The following ENTREP2 variants were observed in gnomAD, a reference collection of about 807,000 sequenced individuals.
The protein encoded by ENTREP2 is protein ENTREP2.
the ENTREP2 span, among the ~76,000 whole-genome samples, chr15:29,653,737 C>A: frequency 6.6e-6 from 1 of 152,174 alleles, no homozygotes; most frequent in African/African-American, 2.4e-5. Flanking sequence ...CAGCCTTGGG[C>A]AGTTCTTTAC....
At chr15:29,596,152 G>A in the ENTREP2 span, among the ~76,000 whole-genome samples, 1 of 152,182 alleles carries the variant, frequency 6.6e-6, no homozygotes, top group Non-Finnish European at 1.5e-5. Context: ...TTGTGCAAAA[G>A]TAATTGCGGT....
the ENTREP2 span, among the ~76,000 whole-genome samples, chr15:29,384,028 G>A: frequency 1.3e-5 from 2 of 152,048 alleles, no homozygotes; most frequent in African/African-American, 2.4e-5. Context: ...GTCTCTCAGG[G>A]GCTGTGTCTC....
chr15:29,428,276 C>A, the ENTREP2 span, among the ~76,000 whole-genome samples: 1 of 152,130 alleles, frequency 6.6e-6, no homozygotes, highest in Admixed American at 6.5e-5. Flanking sequence ...TGAAGTGGTT[C>A]GATCTTGGCT....
At chr15:29,543,106 A>G in the ENTREP2 span, among the ~76,000 whole-genome samples, 1 of 151,980 alleles carries the variant, frequency 6.6e-6, no homozygotes, top group Non-Finnish European at 1.5e-5. Context: ...GCTTTTAATG[A>G]GACTCTCTAC....
chr15:29,524,574 C>G, the ENTREP2 span, among the ~76,000 whole-genome samples: 3 of 152,172 alleles, frequency 2.0e-5, no homozygotes, highest in Non-Finnish European at 4.4e-5. Context: ...GGAAGAGAAC[C>G]ATGGAACCCA....
chr15:29,639,621 C>T, the ENTREP2 span, among the ~76,000 whole-genome samples: 1 of 151,872 alleles, frequency 6.6e-6, no homozygotes. Flanking sequence ...CTTAACCTTC[C>T]ACAGTAAGAC....
the ENTREP2 span, among the ~76,000 whole-genome samples, chr15:29,576,459 A>G: frequency 6.6e-6 from 1 of 152,270 alleles, no homozygotes; most frequent in Non-Finnish European, 1.5e-5. Flanking sequence ...AATGAAAGAA[A>G]AAATAAACAA....
chr15:29,657,511 C>T, the ENTREP2 span, among the ~76,000 whole-genome samples: 7 of 134,160 alleles, frequency 5.2e-5, no homozygotes, highest in East Asian at 1.2e-3. Context: ...AGCTTTTATT[C>T]CCTTATTGTC....
the ENTREP2 span, among the ~76,000 whole-genome samples, chr15:29,314,475 TTGC>T: frequency 6.6e-6 from 1 of 152,226 alleles, no homozygotes; most frequent in African/African-American, 2.4e-5. Context: ...AGATGACAAC[TTGC>T]TGAAGGCTCA....
the ENTREP2 span, among the ~76,000 whole-genome samples, chr15:29,656,425 C>T: frequency 6.6e-6 from 1 of 152,126 alleles, no homozygotes; most frequent in Non-Finnish European, 1.5e-5. Flanking sequence ...CGAAGTTTCA[C>T]TAGGTTGCCC....
chr15:29,411,904 T>C, the ENTREP2 span, among the ~76,000 whole-genome samples: 7 of 152,220 alleles, frequency 4.6e-5, no homozygotes, highest in African/African-American at 1.2e-4. Flanking sequence ...TCGTTTCATA[T>C]ATGCTTCAGG....
At chr15:29,269,186 G>C in the ENTREP2 span, 2 of 1,614,160 alleles carry the variant, frequency 1.2e-6, no homozygotes, top group African/African-American at 1.3e-5. Flanking sequence ...CCCGTAGTGG[G>C]CGTGCCTTGG....
At chr15:29,153,145 CT>C in the ENTREP2 span, among the ~76,000 whole-genome samples, 45,874 of 147,506 alleles carry the variant, frequency 0.31, 7,238 homozygotes, top group Non-Finnish European at 0.35. Flanking sequence ...GTAATGTTTA[CT>C]TTTTTTTTTT....
At chr15:29,427,342 A>G in the ENTREP2 span, among the ~76,000 whole-genome samples, 2 of 152,176 alleles carry the variant, frequency 1.3e-5, no homozygotes, top group East Asian at 1.9e-4. Context: ...CCGGAGTCCA[A>G]CTTGGGGTAC....
chr15:29,538,280 A>G, the ENTREP2 span, among the ~76,000 whole-genome samples: 8 of 151,798 alleles, frequency 5.3e-5, no homozygotes, highest in Admixed American at 1.3e-4. Context: ...CTGGGCAGCT[A>G]CAGGCCTGGA....
chr15:29,532,965 A>G, the ENTREP2 span, among the ~76,000 whole-genome samples: 3 of 152,216 alleles, frequency 2.0e-5, no homozygotes, highest in Non-Finnish European at 4.4e-5. Context: ...TACCACCCAA[A>G]GACAGCAGAC....
chr15:29,505,038 CTGTT>C, the ENTREP2 span, among the ~76,000 whole-genome samples: 1 of 152,256 alleles, frequency 6.6e-6, no homozygotes, highest in African/African-American at 2.4e-5. This position sits in a 1 kb window ranked among gnomAD's most constrained non-coding sequence, Gnocchi z 4.3. Flanking sequence ...TGTCCAACAA[CTGTT>C]TGTTAAATTG....
At chr15:29,121,749 GC>G in the ENTREP2 span, 1 of 152,210 alleles carries the variant, frequency 6.6e-6, no homozygotes, top group Non-Finnish European at 1.5e-5. Context: ...TGTGTTTTCA[GC>G]TCTCTAAAGC....
At chr15:29,422,459 C>A in the ENTREP2 span, among the ~76,000 whole-genome samples, 1 of 152,068 alleles carries the variant, frequency 6.6e-6, no homozygotes, top group Non-Finnish European at 1.5e-5. Flanking sequence ...AGGTTAAATT[C>A]TTGGACTTGA....
Sources: gnomAD v4.1 joint callset for allele counts (sites outside exome capture counted in the v4.1 genomes callset) on GRCh38, gnomAD v4.1.1 for gene constraint, Gnocchi (gnomAD v3.1) non-coding constraint, MANE v1.5 for transcripts, NCBI Gene and HGNC (gene_info 2026-07-23, HGNC 2026-07-21) for gene names.